The following KIF17 variants were observed in gnomAD, a reference collection of about 807,000 sequenced individuals.
KIF17 encodes kinesin family member 17.
Under a neutral mutation model 96.8 loss-of-function variants are expected in KIF17, and 80 were observed. That is an observed-to-expected ratio of 0.83 (90% CI 0.69 to 1.00). The LOEUF (loss-of-function observed/expected upper bound fraction) is 1.00, where lower values mean the gene tolerates loss of function less well. Among genes scored for constraint, KIF17 ranks in the 50% least tolerant of loss-of-function variants. The pLI is 0.00. For synonymous variants in KIF17, 567 were observed against 587.5 expected (o/e 0.97, Z 0.51); for missense variants, 1,280 against 1,372.9 (o/e 0.93, Z 1.07).
downstream of KIF17, chr1:20,661,648 A>G (rs2053437952): frequency 2.0e-6 from 1 of 500,350 alleles, no homozygotes; most frequent in Non-Finnish European, 3.6e-6. Flanking sequence ...AACGAGGCCG[A>G]GCGCCCTTTG....
intron 5 of KIF17, among the ~76,000 whole-genome samples, chr1:20,703,182 G>GATGA (rs562812936): frequency 0.049 from 7,373 of 151,802 alleles, 240 homozygotes; most frequent in Middle Eastern, 0.088. Flanking sequence ...TGGATGAATG[G>GATGA]ATGGACGGAT....
chr1:20,713,317 A>C, intron 3 of KIF17, 137 bp downstream of exon 3: 1 of 599,538 alleles, frequency 1.7e-6, no homozygotes, highest in Non-Finnish European at 2.8e-6. Flanking sequence ...TTTTAATTAA[A>C]AAAAAAAAAA....
intron 5 of KIF17, among the ~76,000 whole-genome samples, chr1:20,698,923 A>C (rs2054188177): frequency 6.6e-6 from 1 of 152,182 alleles, no homozygotes; most frequent in African/African-American, 2.4e-5. Context: ...CTTGGGAGTC[A>C]GAAGCAGTTA....
At chr1:20,714,431 A>C (rs377463868) in intron 2 of KIF17, among the ~76,000 whole-genome samples, 3 of 152,202 alleles carry the variant, frequency 2.0e-5, no homozygotes, top group South Asian at 4.1e-4. Context: ...CAGAGGTTGC[A>C]GTGAGCCAAG....
In KIF17 at chr1:20,717,803, G is replaced by A. The variant is rs1226423602; in HGVS notation, c.-97C>T. On this transcript the variant is annotated 5_prime_UTR_variant, in exon 1 of 15. Transcript: ENST00000400463. The stretch of plus-strand genomic sequence containing the variant: ...AAGGGGCGGGGCCAGCGCCGGCCAC[G>A]GGGGGCGGGGCCTTGAGGCAGGGGC... 3.8e-6 allele frequency: 5 copies of A among 1,309,814 alleles called. No homozygotes were observed. The East Asian group carries it at 9.6e-5, about 25-fold the overall frequency. The allele number at this position is 1,309,814 out of a possible 1,614,324, so 81.1% of individuals were successfully genotyped here. A position where few individuals can be genotyped will look rare whatever the true frequency, so the allele number is the denominator to read the frequency against.
chr1:20,691,157 C>T (rs2054033585), intron 6 of KIF17, among the ~76,000 whole-genome samples: 1 of 151,748 alleles, frequency 6.6e-6, no homozygotes, highest in African/African-American at 2.4e-5. Flanking sequence ...ATTAGCCAAG[C>T]GTGGTGGCTT....
rs375728867 is a variant in KIF17, at chr1:20,672,209, G to C, written c.2464-13C>G. ...CTGCTGCCCGAAGCTGAAAGCAAAG[G>C]ATGACAAGCAGTGAGCAGGGAAAGA... On this transcript the variant is annotated splice_polypyrimidine_tract_variant and intron_variant, in intron 11 of 14. Coordinates refer to ENST00000400463, the MANE Select transcript of KIF17 (RefSeq NM_001122819.3). The surrounding 1 kb of genome is among the most constrained non-coding windows in gnomAD (Gnocchi z 4.3). 1.9e-6 allele frequency: 3 copies of C among 1,613,734 alleles called. No homozygotes were observed. The African/African-American group carries it at 4.0e-5, about 22-fold the overall frequency.
rs1251292323 is a variant in KIF17, at chr1:20,685,044, T to A, written c.2020-24A>T. On this transcript the variant is annotated intron_variant, in intron 9 of 14. Transcript: ENST00000400463. This position sits in a 1 kb window ranked among gnomAD's most constrained non-coding sequence, Gnocchi z 4.1. ...TCCTGAGTGTGAAGAGAAACCCAGG[T>A]GGAGGTGGGAAGGCCGCCCCAACCC... 2 of 1,559,424 alleles carry A rather than the reference T, an allele frequency of 1.3e-6. No individual in the cohort carries two copies. The highest frequency in any genetic ancestry group is 3.8e-5 in the Admixed American group (2 of 52,710).
intron 4 of KIF17, among the ~76,000 whole-genome samples, chr1:20,708,769 G>A (rs972519584): frequency 6.6e-6 from 1 of 152,218 alleles, no homozygotes; most frequent in Non-Finnish European, 1.5e-5. Context: ...TAAATGGAAT[G>A]AAGGGTATAA....
chr1:20,668,296 C>T (rs937859765), intron 13 of KIF17, among the ~76,000 whole-genome samples: 3 of 150,994 alleles, frequency 2.0e-5, no homozygotes, highest in African/African-American at 4.9e-5. Context: ...GGTAACAGAG[C>T]AAGACTCCGT....
At chr1:20,666,118 G>T in intron 14 of KIF17, 96 bp downstream of exon 14, 1 of 926,262 alleles carries the variant, frequency 1.1e-6, no homozygotes, top group East Asian at 2.4e-5. Flanking sequence ...AGAGGGAAAG[G>T]AGTTTTTGAA....
chr1:20,698,517 G>A, intron 5 of KIF17, 29 bp from the exon 6 acceptor site: 2 of 1,444,602 alleles, frequency 1.4e-6, no homozygotes, highest in Admixed American at 1.7e-5. Context: ...TTAGCAGCCA[G>A]GATGAGGGGC....
intron 5 of KIF17, among the ~76,000 whole-genome samples, chr1:20,703,394 G>A: frequency 6.6e-6 from 1 of 151,974 alleles, no homozygotes; most frequent in East Asian, 1.9e-4. Context: ...GGATGGGTGG[G>A]TGGGTGGCTG....
At chr1:20,705,893 C>CTA (rs2054332704) in intron 4 of KIF17, among the ~76,000 whole-genome samples, 1 of 53,560 alleles carries the variant, frequency 1.9e-5, no homozygotes, top group African/African-American at 7.3e-5. Flanking sequence ...TAGGATGTCT[C>CTA]TTTTTTTTTT....
intron 6 of KIF17, 111 bp from the exon 7 acceptor site, chr1:20,690,446 C>A (rs1056839275): frequency 2.1e-6 from 2 of 938,738 alleles, no homozygotes; most frequent in Non-Finnish European, 3.2e-6. Context: ...TATAAGTAAG[C>A]CAAGAGAATC....
rs565069389 is a variant in KIF17, at chr1:20,700,093, C to T, written c.1124-1605G>A. Among the ~76,000 whole-genome samples, 6 of 152,140 alleles carry T rather than the reference C, an allele frequency of 3.9e-5. No homozygotes were observed. Among genetic ancestry groups the T allele is most frequent in the East Asian group, 1.9e-4 (1 of 5,170 alleles). Reference sequence around the variant, plus strand: ...TTTTGTTTTGTTTTGTTTTTTGAGACGGGGTCTTTGCTCTGTCGCCTAGGC... The same window carrying T: ...TTTTGTTTTGTTTTGTTTTTTGAGATGGGGTCTTTGCTCTGTCGCCTAGGC... On this transcript the variant is annotated intron_variant, in intron 5 of 14. Coordinates refer to ENST00000400463, the MANE Select transcript of KIF17 (RefSeq NM_001122819.3). The surrounding 1 kb of genome is among the most constrained non-coding windows in gnomAD (Gnocchi z 4.6).
rs200289845 is a variant in KIF17 at position 20,703,499 on chromosome 1, C to CATGGATGGATGGATGGATGG, written c.1123+928_1123+947dup. On this transcript the variant is annotated intron_variant, in intron 5 of 14. Coordinates refer to ENST00000400463, the MANE Select transcript of KIF17 (RefSeq NM_001122819.3). ...GGATAGATGGATAGATGGATGGATG[C>CATGGATGGATGGATGGATGG]ATGGATGGATGGATGGATGGATGGA... 1.4e-3 allele frequency among the ~76,000 whole-genome samples: 210 copies of CATGGATGGATGGATGGATGG among 145,182 alleles called. 1 individual carries two copies. Among genetic ancestry groups the CATGGATGGATGGATGGATGG allele is most frequent in the Middle Eastern group, 3.5e-3 (1 of 282 alleles).
At chr1:20,669,752 G>A (rs1296968958) in intron 13 of KIF17, among the ~76,000 whole-genome samples, 1 of 146,660 alleles carries the variant, frequency 6.8e-6, no homozygotes, top group Non-Finnish European at 1.5e-5. Context: ...CGCGCCTGTA[G>A]TCCCAGCTGA....
Position 20,665,219 on chromosome 1 carries a change from CTT to C in KIF17, c.2909-459_2909-458del, listed in dbSNP as rs59635021. Among the ~76,000 whole-genome samples, 126 of 61,246 alleles carry C rather than the reference CTT, an allele frequency of 2.1e-3. 1 individual carries two copies. The highest frequency in any genetic ancestry group is 3.9e-3 in the South Asian group (5 of 1,268). The allele number at this position is 61,246 out of a possible 152,430, so 40.2% of individuals were successfully genotyped here. ...TCAATATATAGAACTCAAATTTGCT[CTT>C]TTTTTTTTTTTTTTTTTTTTTTTTT... On this transcript the variant is annotated intron_variant, in intron 14 of 14. Transcript: ENST00000400463.
Sources: allele counts gnomAD v4.1 joint callset (sites outside exome capture counted in the v4.1 genomes callset), GRCh38; gene constraint gnomAD v4.1.1; non-coding constraint Gnocchi (gnomAD v3.1); transcripts MANE v1.5; gene names NCBI Gene and HGNC (gene_info 2026-07-23, HGNC 2026-07-21).